SETD1A: variants seen among roughly 807,000 people sequenced by gnomAD.
SETD1A encodes histone-lysine N-methyltransferase SETD1A.
A neutral mutation model predicts 149.9 loss-of-function variants in SETD1A; 29 were observed. The ratio of observed to expected loss-of-function variants is 0.19; its 90% CI spans 0.14 to 0.26. SETD1A has a LOEUF of 0.26. SETD1A is among the 10% of genes least tolerant of loss of function. The probability of loss-of-function intolerance (pLI) is 1.00; values close to 1 mark genes in which losing one functional copy is unlikely to be tolerated. For synonymous variants in SETD1A, 1,141 were observed against 968.5 expected (o/e 1.18, Z -3.31); for missense variants, 2,109 against 2,353.1 (o/e 0.90, Z 2.15).
chr16:30,979,574 C>G lies in SETD1A; in HGVS notation c.3788C>G (p.Pro1263Arg). Residue 1263 changes from proline (P) to arginine (R), a missense_variant, in exon 14 of 19, where the codon CCT becomes CGT. Physicochemically the swap from Pro to Arg is moderately radical, Grantham distance 103 (BLOSUM62 -2). This residue lies in a region of SETD1A where 832 missense variants were observed against 815.6 expected (regional missense o/e 1.02). Coordinates refer to ENST00000262519, the MANE Select transcript of SETD1A (RefSeq NM_014712.3). Reference protein sequence around the residue: ...LAVLADLALTPARRGLPALPA... With the variant: ...LAVLADLALTRARRGLPALPA... ...GTCCTGGCCGACCTGGCCCTGACCC[C>G]TGCCCGGCGCGGGCTGCCTGCCCTG... The G allele has an allele frequency of 1.2e-6, 2 of 1,610,334 alleles. No individual in the cohort carries two copies. The highest frequency in any genetic ancestry group is 8.5e-7 in the Non-Finnish European group (1 of 1,179,498).
chr16:30,965,238 A>C lies in SETD1A; in HGVS notation c.1496A>C (p.Gln499Pro), dbSNP rs764618205. 1.2e-6 allele frequency: 2 copies of C among 1,614,248 alleles called. No individual in the cohort carries two copies. Among genetic ancestry groups the C allele is most frequent in the East Asian group, 4.5e-5 (2 of 44,884 alleles). Residue 499 changes from glutamine (Q) to proline (P), a missense_variant, in exon 7 of 19, where the codon CAG becomes CCG. By Grantham distance (76) the Gln-to-Pro change is moderately conservative. Coordinates refer to ENST00000262519, the MANE Select transcript of SETD1A (RefSeq NM_014712.3). ...DSRIEMLLKEQRSKFSFLASD... is the reference protein window; with the variant it reads ...DSRIEMLLKEPRSKFSFLASD... ...CGCATCGAGATGCTGCTGAAGGAGC[A>C]GCGCTCCAAGTTTTCCTTCTTGGCC...
At chr16:30,968,098 G>A (rs2056172989) in intron 10 of SETD1A, among the ~76,000 whole-genome samples, 1 of 152,120 alleles carries the variant, frequency 6.6e-6, no homozygotes, top group Non-Finnish European at 1.5e-5. Flanking sequence ...AGATCAAATG[G>A]ACAGGACATA....
At position 30,969,665 on chromosome 16, in the gene SETD1A, A is replaced by G. The variant is rs759248173; in HGVS notation, c.2992A>G (p.Lys998Glu). The G allele has an allele frequency of 1.2e-6, 2 of 1,614,112 alleles. No homozygotes were observed. The stretch of plus-strand genomic sequence containing the variant: ...TCGAGAGGAAGCTGTGGATACCACA[A>G]AGAAGGAGACAGAGGTGTCGGATGG... Reference protein sequence around the residue: ...EDREEAVDTTKKETEVSDGED... With the variant: ...EDREEAVDTTEKETEVSDGED... Residue 998 changes from lysine (K) to glutamate (E), a missense_variant, in exon 12 of 19, where the codon AAG (lysine) becomes GAG (glutamate). By Grantham distance (56) the Lys-to-Glu change is moderately conservative. Coordinates refer to ENST00000262519, the MANE Select transcript of SETD1A (RefSeq NM_014712.3).
Position 30,966,389 on chromosome 16 carries a change from G to A in SETD1A, c.2505+3G>A. 1 of 1,601,564 alleles carries A rather than the reference G, an allele frequency of 6.2e-7. No individual in the cohort carries two copies. Among genetic ancestry groups the A allele is most frequent in the East Asian group, 2.2e-5 (1 of 44,744 alleles). The stretch of plus-strand genomic sequence containing the variant: ...AGAGCAAGGAGGAGAAGGCCAAGGT[G>A]AGGCCAGCGCCTGGGACCGGGGAGC... On this transcript the variant is annotated splice_donor_region_variant and intron_variant, in intron 8 of 18. Coordinates refer to ENST00000262519, the MANE Select transcript of SETD1A (RefSeq NM_014712.3).
Position 30,969,221 on chromosome 16 carries a change from A to G in SETD1A, c.2771-84A>G, listed in dbSNP as rs556895705. 4.5e-6 allele frequency: 6 copies of G among 1,342,648 alleles called. No individual in the cohort carries two copies. In the African/African-American group the frequency reaches 5.9e-5, roughly 13 times the overall value. The allele number at this position is 1,342,648 out of a possible 1,614,324, so 83.2% of individuals were successfully genotyped here. On this transcript the variant is annotated intron_variant, in intron 10 of 18. Coordinates refer to ENST00000262519, the MANE Select transcript of SETD1A (RefSeq NM_014712.3). ...AATGAAGACCATCAGGAAGATTGGT[A>G]ATAGTATATGTAAAGCCCCTTGCAC...
Position 30,961,853 on chromosome 16 carries a change from C to G in SETD1A, c.517+316C>G, listed in dbSNP as rs1567350070. 6.6e-6 allele frequency among the ~76,000 whole-genome samples: 1 copy of G among 151,736 alleles called. No homozygotes were observed. The highest frequency in any genetic ancestry group is 1.5e-5 in the Non-Finnish European group (1 of 67,894). ...AAATCAGCCCAGGTCAGGTTGGTTG[C>G]TTGGTTGGTTTTTGAGACAGGATCC... On this transcript the variant is annotated intron_variant, in intron 4 of 18. Transcript: ENST00000262519. This position sits in a 1 kb window ranked among gnomAD's most constrained non-coding sequence, Gnocchi z 4.0.
At chr16:30,967,640 G>A in intron 10 of SETD1A, 52 bp downstream of exon 10, 6 of 1,514,922 alleles carry the variant, frequency 4.0e-6, no homozygotes, top group Non-Finnish European at 5.5e-6. Context: ...GGTTCTGATG[G>A]GAGAGCAAGA....
chr16:30,972,728 C>T (rs1432361463), intron 13 of SETD1A, among the ~76,000 whole-genome samples: 2 of 151,666 alleles, frequency 1.3e-5, no homozygotes, highest in African/African-American at 4.8e-5. Flanking sequence ...GTGGCGCACA[C>T]CTGTGATCCC....
intron 13 of SETD1A, among the ~76,000 whole-genome samples, chr16:30,975,829 C>G (rs1333383070): frequency 6.6e-6 from 1 of 151,930 alleles, no homozygotes; most frequent in East Asian, 1.9e-4. Flanking sequence ...GGAGGGAGAG[C>G]AAGAAGAGAG....
intron 13 of SETD1A, among the ~76,000 whole-genome samples, chr16:30,976,135 G>A (rs1374090213): frequency 2.0e-5 from 3 of 152,168 alleles, no homozygotes; most frequent in South Asian, 2.1e-4. Context: ...GTCCAGGCGC[G>A]GTGGCTCACA....
Position 30,967,068 on chromosome 16 carries a change from G to A in SETD1A, c.2682+8G>A. ...CGGCTGCCTTCATTCAAGGTACTCA[G>A]AACTGTCGTTTTGTGGGGTAGGGTG... On this transcript the variant is annotated splice_region_variant and intron_variant, in intron 9 of 18. Transcript: ENST00000262519. The A allele has an allele frequency of 1.3e-6, 2 of 1,541,466 alleles. No individual in the cohort carries two copies. Among genetic ancestry groups the A allele is most frequent in the Non-Finnish European group, 1.8e-6 (2 of 1,140,844 alleles).
chr16:30,980,977 C>G lies in SETD1A; in HGVS notation c.4693-84C>G. 1 of 1,588,246 alleles carries G rather than the reference C, an allele frequency of 6.3e-7. No individual in the cohort carries two copies. The highest frequency in any genetic ancestry group is 8.6e-7 in the Non-Finnish European group (1 of 1,162,926). ...GTTGGGGGGTAAGCAGCCAGAACAC[C>G]CTCTGCCCAGGAAGTCTGTGGGAAG... On this transcript the variant is annotated intron_variant, in intron 16 of 18. Coordinates refer to ENST00000262519, the MANE Select transcript of SETD1A (RefSeq NM_014712.3). This position sits in a 1 kb window ranked among gnomAD's most constrained non-coding sequence, Gnocchi z 7.7.
chr16:30,965,520 G>A, intron 7 of SETD1A, 59 bp downstream of exon 7: 1 of 1,589,672 alleles, frequency 6.3e-7, no homozygotes, highest in South Asian at 1.1e-5. Flanking sequence ...GTTGGGCCTA[G>A]GGGAGAGGGA....
Position 30,961,250 on chromosome 16 carries a change from TC to T in SETD1A, c.247-15del. The T allele has an allele frequency of 6.2e-7, 1 of 1,613,816 alleles. No homozygotes were observed. Among genetic ancestry groups the T allele is most frequent in the Non-Finnish European group, 8.5e-7 (1 of 1,179,786 alleles). On this transcript the variant is annotated splice_polypyrimidine_tract_variant and intron_variant, in intron 3 of 18. Transcript: ENST00000262519. The surrounding 1 kb of genome is among the most constrained non-coding windows in gnomAD (Gnocchi z 4.0). ...GTCAGTGTTGAGACCCCATACCAAC[TC>T]CTGTTCTTTCCCCAGCTGGACGAGT...
Position 30,984,051 on chromosome 16 carries a change from C to G in SETD1A, c.*28C>G, listed in dbSNP as rs953981026. On this transcript the variant is annotated 3_prime_UTR_variant, in exon 19 of 19. Coordinates refer to ENST00000262519, the MANE Select transcript of SETD1A (RefSeq NM_014712.3). ...TGGGGCAGGATGGGTGCCCACACCC[C>G]TATTTATTCCCCCTGGTGCCCTGAG... The G allele has an allele frequency of 1.3e-6, 2 of 1,591,468 alleles. No homozygotes were observed. Among genetic ancestry groups the G allele is most frequent in the Non-Finnish European group, 1.7e-6 (2 of 1,166,804 alleles).
chr16:30,977,093 C>T (rs907125802), intron 13 of SETD1A, among the ~76,000 whole-genome samples: 10 of 152,140 alleles, frequency 6.6e-5, no homozygotes, highest in African/African-American at 1.7e-4. Flanking sequence ...GACTAAGGCA[C>T]GCGCCATCAC....
In SETD1A at chr16:30,971,752, G is replaced by T. The variant is rs774769624; in HGVS notation, c.3358+33G>T. 3.3e-6 allele frequency: 5 copies of T among 1,520,632 alleles called. No individual in the cohort carries two copies. In the Admixed American group the frequency reaches 6.5e-5, roughly 20 times the overall value. The allele number at this position is 1,520,632 out of a possible 1,614,324, so 94.2% of individuals were successfully genotyped here. A position where few individuals can be genotyped will look rare whatever the true frequency, so the allele number is the denominator to read the frequency against. ...CCACAGGGCTGTCGGTTAGATCGCT[G>T]TGTGTGTGAGAGAGAGAGAGAAAAC... On this transcript the variant is annotated intron_variant, in intron 13 of 18. Transcript: ENST00000262519.
rs756022992 is a variant in SETD1A, at chr16:30,980,137, C to T, written c.4351C>T (p.Leu1451=). ...CCTGCGGCTTACGTACGAGCGGCTGCTGCAGCAGACAAGCGGGGCTGACTG... is the reference window on the plus strand; with the variant it reads ...CCTGCGGCTTACGTACGAGCGGCTGTTGCAGCAGACAAGCGGGGCTGACTG... ...SYLRLTYERL[L]QQTSGADWLN... The change falls in exon 14 of 19, where the codon CTG becomes TTG. Residue 1451 remains leucine, a synonymous_variant. Coordinates refer to ENST00000262519, the MANE Select transcript of SETD1A (RefSeq NM_014712.3). This position sits in a 1 kb window ranked among gnomAD's most constrained non-coding sequence, Gnocchi z 7.7. 1 of 1,611,426 alleles carries T rather than the reference C, an allele frequency of 6.2e-7. No homozygotes were observed. The highest frequency in any genetic ancestry group is 8.5e-7 in the Non-Finnish European group (1 of 1,179,198).
intron 3 of SETD1A, among the ~76,000 whole-genome samples, chr16:30,960,648 G>A (rs1296213967): frequency 6.6e-6 from 1 of 151,868 alleles, no homozygotes; most frequent in Non-Finnish European, 1.5e-5. Context: ...CCTAGTAAAG[G>A]CTGAGCTAGG....
Sources: allele counts gnomAD v4.1 joint callset (sites outside exome capture counted in the v4.1 genomes callset), GRCh38; gene constraint gnomAD v4.1.1; regional missense constraint gnomAD v4.1.1; non-coding constraint Gnocchi (gnomAD v3.1); transcripts MANE v1.5; gene names NCBI Gene and HGNC (gene_info 2026-07-23, HGNC 2026-07-21).